Variants in ARB2A observed in about 807,000 individuals in gnomAD.
The protein encoded by ARB2A is cotranscriptional regulator ARB2A.
At chr5:94,077,364 C>G in the ARB2A span, among the ~76,000 whole-genome samples, 12 of 150,220 alleles carry the variant, frequency 8.0e-5, no homozygotes, top group Non-Finnish European at 1.5e-4. Flanking sequence ...CAAAGCGAGA[C>G]TCTGTCTCAA....
chr5:93,978,228 G>T, the ARB2A span, among the ~76,000 whole-genome samples: 2 of 151,980 alleles, frequency 1.3e-5, no homozygotes, highest in Admixed American at 6.6e-5. Flanking sequence ...AACTAAAAAT[G>T]GACTTAGCAC....
chr5:93,804,461 A>G, the ARB2A span, among the ~76,000 whole-genome samples: 2 of 151,856 alleles, frequency 1.3e-5, no homozygotes, highest in South Asian at 2.1e-4. Context: ...TACCAAAAAC[A>G]TTTTCGTTAA....
chr5:93,808,814 T>G, the ARB2A span, among the ~76,000 whole-genome samples: 1 of 152,042 alleles, frequency 6.6e-6, no homozygotes, highest in Admixed American at 6.6e-5. Flanking sequence ...AATATTTTTA[T>G]TTTTTGTTTT....
At chr5:93,885,604 CAT>C in the ARB2A span, among the ~76,000 whole-genome samples, 1 of 151,526 alleles carries the variant, frequency 6.6e-6, no homozygotes, top group African/African-American at 2.4e-5. Context: ...TTAATTAACT[CAT>C]GTTTGATCAC....
At chr5:94,102,304 G>A in the ARB2A span, among the ~76,000 whole-genome samples, 1 of 151,972 alleles carries the variant, frequency 6.6e-6, no homozygotes, top group African/African-American at 2.4e-5. Context: ...AGAACTTAAA[G>A]ATGAAATAGT....
the ARB2A span, among the ~76,000 whole-genome samples, chr5:94,100,132 T>G: frequency 6.6e-6 from 1 of 152,272 alleles, no homozygotes; most frequent in South Asian, 2.1e-4. Context: ...CTAGCATTCC[T>G]ACAGACCGAC....
the ARB2A span, among the ~76,000 whole-genome samples, chr5:93,872,923 AAAAG>A: frequency 1.9e-4 from 29 of 152,082 alleles, no homozygotes; most frequent in Admixed American, 1.7e-3. Context: ...TCTCAAAAAA[AAAAG>A]AAAGAAAAAA....
chr5:93,771,539 T>G, the ARB2A span, among the ~76,000 whole-genome samples: 353 of 151,584 alleles, frequency 2.3e-3, 6 homozygotes, highest in African/African-American at 8.1e-3. Context: ...TGGGAGAAAA[T>G]TTTCGCAACC....
At chr5:93,724,042 A>ACTG in the ARB2A span, among the ~76,000 whole-genome samples, 1 of 152,032 alleles carries the variant, frequency 6.6e-6, no homozygotes, top group East Asian at 1.9e-4. Context: ...TTAATATCAG[A>ACTG]CTGTTTTTGC....
At chr5:93,925,021 C>G in the ARB2A span, among the ~76,000 whole-genome samples, 1 of 151,918 alleles carries the variant, frequency 6.6e-6, no homozygotes, top group Non-Finnish European at 1.5e-5. Context: ...TTAAGGTGAT[C>G]AATCTTACAT....
chr5:93,740,514 T>C, the ARB2A span: 5 of 1,495,212 alleles, frequency 3.3e-6, no homozygotes, highest in Non-Finnish European at 4.5e-6. Context: ...CCTAGGGACA[T>C]TTCCTGGGTT....
At chr5:93,770,807 T>C in the ARB2A span, among the ~76,000 whole-genome samples, 286 of 152,128 alleles carry the variant, frequency 1.9e-3, 2 homozygotes, top group African/African-American at 6.6e-3. Flanking sequence ...TAAAAGAGGA[T>C]ACAAACAAAT....
chr5:93,816,931 G>A, the ARB2A span, among the ~76,000 whole-genome samples: 2 of 151,976 alleles, frequency 1.3e-5, no homozygotes, highest in African/African-American at 4.8e-5. Flanking sequence ...ATTCAACCTT[G>A]TACTAGAGGT....
chr5:93,718,431 C>T, the ARB2A span, among the ~76,000 whole-genome samples: 4 of 151,588 alleles, frequency 2.6e-5, no homozygotes, highest in Non-Finnish European at 4.4e-5. Flanking sequence ...AGCGAGACTC[C>T]GTCTCAGCAA....
chr5:93,721,088 A>G, the ARB2A span, among the ~76,000 whole-genome samples: 6 of 152,318 alleles, frequency 3.9e-5, no homozygotes, highest in South Asian at 1.2e-3. Context: ...GATTAAGGAA[A>G]CAGGCTAATT....
chr5:93,751,947 G>T, the ARB2A span, among the ~76,000 whole-genome samples: 1 of 152,156 alleles, frequency 6.6e-6, no homozygotes, highest in Non-Finnish European at 1.5e-5. Context: ...GGGCAAGTGA[G>T]CCCAGGCACA....
the ARB2A span, among the ~76,000 whole-genome samples, chr5:93,903,709 CTGTGTG>C: frequency 9.1e-3 from 1,320 of 144,440 alleles, 7 homozygotes; most frequent in Non-Finnish European, 0.014. Flanking sequence ...TTCTATATAT[CTGTGTG>C]TGTGTGTGTG....
At chr5:94,088,608 G>T in the ARB2A span, among the ~76,000 whole-genome samples, 1 of 152,084 alleles carries the variant, frequency 6.6e-6, no homozygotes, top group Admixed American at 6.6e-5. Flanking sequence ...GGAGTTTGAC[G>T]TTACACTGAG....
At chr5:93,882,115 T>C in the ARB2A span, among the ~76,000 whole-genome samples, 3 of 151,428 alleles carry the variant, frequency 2.0e-5, no homozygotes, top group Non-Finnish European at 4.4e-5. Flanking sequence ...TTTTTTTGTA[T>C]ATTTTTCTTT....
Sources: gnomAD v4.1 joint callset for allele counts (sites outside exome capture counted in the v4.1 genomes callset) on GRCh38, gnomAD v4.1.1 for gene constraint, MANE v1.5 for transcripts, NCBI Gene and HGNC (gene_info 2026-07-23, HGNC 2026-07-21) for gene names.